NRXN1: variants seen among roughly 807,000 people sequenced by gnomAD.
The protein encoded by NRXN1 is neurexin-1.
A neutral mutation model predicts 150.9 loss-of-function variants in NRXN1; 39 were observed. The ratio of observed to expected loss-of-function variants is 0.26; its 90% CI spans 0.20 to 0.34. The LOEUF is 0.34. Ranked by LOEUF, NRXN1 falls within the 10% of genes least tolerant of loss-of-function variation. The probability of loss-of-function intolerance (pLI) is 1.00; values close to 1 mark genes in which losing one functional copy is unlikely to be tolerated. For missense variants in NRXN1, 1,815 were observed against 1,949.9 expected (o/e 0.93, Z 1.30); for synonymous variants, 924 against 757.0 (o/e 1.22, Z -3.62).
chr2:50,723,831 G>A (rs1032810955), intron 5 of NRXN1, among the ~76,000 whole-genome samples: 13 of 152,154 alleles, frequency 8.5e-5, no homozygotes, highest in Non-Finnish European at 1.9e-4. Context: ...ACCAACCACT[G>A]TGTTTTCGGG....
intron 2 of NRXN1, 147 bp downstream of exon 2, chr2:51,027,353 TAG>T (rs1373241890): frequency 2.6e-5 from 20 of 768,116 alleles, no homozygotes; most frequent in South Asian, 8.6e-5. Flanking sequence ...GGTGGTAAGG[TAG>T]AGAGTCCCCC....
rs1336370001 is a variant in NRXN1, at chr2:50,518,161, T to G, written c.2374+10464A>C. 2.6e-5 allele frequency among the ~76,000 whole-genome samples: 4 copies of G among 152,086 alleles called. No individual in the cohort carries two copies. In the South Asian group the frequency reaches 6.2e-4, roughly 24 times the overall value. On this transcript the variant is annotated intron_variant, in intron 12 of 22. Transcript: ENST00000401669. ...TTTACTTTTTAAGAAGAGAATTACA[T>G]TTACAACACAGTAAAAATGAACACA...
intron 5 of NRXN1, among the ~76,000 whole-genome samples, chr2:50,857,559 G>A (rs573988749): frequency 9.9e-5 from 15 of 152,068 alleles, no homozygotes; most frequent in Middle Eastern, 3.4e-3. Flanking sequence ...CTAGGTTTTC[G>A]AAGTATATAC....
At chr2:50,709,303 G>T (rs1694840000) in intron 5 of NRXN1, among the ~76,000 whole-genome samples, 1 of 151,978 alleles carries the variant, frequency 6.6e-6, no homozygotes. Flanking sequence ...ATCTTTATGG[G>T]GTTTACATTC....
chr2:50,248,360 G>T (rs1030285548), intron 17 of NRXN1, among the ~76,000 whole-genome samples: 2 of 152,076 alleles, frequency 1.3e-5, no homozygotes, highest in Non-Finnish European at 2.9e-5. Context: ...ATGCAAGAGA[G>T]GTAGCTTGAG....
intron 5 of NRXN1, among the ~76,000 whole-genome samples, chr2:50,874,474 C>G (rs546307369): frequency 6.6e-6 from 1 of 151,712 alleles, no homozygotes; most frequent in Non-Finnish European, 1.5e-5. Context: ...GGGGAGACTT[C>G]AGGATTCTTT....
intron 17 of NRXN1, among the ~76,000 whole-genome samples, chr2:50,363,610 T>G (rs1047729266): frequency 1.3e-5 from 2 of 152,106 alleles, no homozygotes; most frequent in African/African-American, 2.4e-5. Flanking sequence ...GGAGAGGATG[T>G]GGAGAAAAAG....
chr2:50,808,149 G>C (rs1017151106), intron 5 of NRXN1, among the ~76,000 whole-genome samples: 1 of 152,050 alleles, frequency 6.6e-6, no homozygotes, highest in Non-Finnish European at 1.5e-5. Context: ...GTCAGTTAGT[G>C]AAAGTAAGAA....
At chr2:50,418,688 G>C (rs2083741120) in intron 17 of NRXN1, among the ~76,000 whole-genome samples, 2 of 151,918 alleles carry the variant, frequency 1.3e-5, no homozygotes, top group South Asian at 4.1e-4. Context: ...TTCATCCAGG[G>C]ATCAAGGGAA....
chr2:50,775,308 C>G (rs1484595667), intron 5 of NRXN1, among the ~76,000 whole-genome samples: 1 of 152,096 alleles, frequency 6.6e-6, no homozygotes, highest in Non-Finnish European at 1.5e-5. Flanking sequence ...CAGTCAAAAT[C>G]TCAGCAACAC....
intron 19 of NRXN1, among the ~76,000 whole-genome samples, chr2:50,074,429 C>G (rs1170066617): frequency 6.6e-6 from 1 of 152,036 alleles, no homozygotes; most frequent in Admixed American, 6.5e-5. Context: ...ATTCAAATAT[C>G]ATGAATAAAC....
chr2:50,303,011 A>T (rs999180244), intron 17 of NRXN1, among the ~76,000 whole-genome samples: 1 of 152,196 alleles, frequency 6.6e-6, no homozygotes, highest in Non-Finnish European at 1.5e-5. Context: ...GTCAAAAAAA[A>T]GTTTTTGAAC....
chr2:50,725,710 A>C (rs1240797381), intron 5 of NRXN1, among the ~76,000 whole-genome samples: 2 of 152,192 alleles, frequency 1.3e-5, no homozygotes, highest in African/African-American at 4.8e-5. Context: ...CAAAAATAAA[A>C]GCCCACATTA....
chr2:50,171,328 G>A (rs1474619414), intron 18 of NRXN1, among the ~76,000 whole-genome samples: 1 of 151,858 alleles, frequency 6.6e-6, no homozygotes, highest in African/African-American at 2.4e-5. Flanking sequence ...GAAAATTAAT[G>A]AATCTTACTA....
intron 5 of NRXN1, among the ~76,000 whole-genome samples, chr2:50,654,479 G>A (rs1351722376): frequency 1.3e-5 from 2 of 151,888 alleles, no homozygotes; most frequent in East Asian, 3.9e-4. Flanking sequence ...GAGTAGTGCT[G>A]CAATAAACAT....
intron 8 of NRXN1, among the ~76,000 whole-genome samples, chr2:50,568,604 C>A (rs1163983028): frequency 6.6e-6 from 1 of 152,118 alleles, no homozygotes; most frequent in African/African-American, 2.4e-5. Context: ...TCAACTCATT[C>A]CAGTTAAAAT....
chr2:50,329,969 G>C (rs2076729970), intron 17 of NRXN1, among the ~76,000 whole-genome samples: 1 of 151,604 alleles, frequency 6.6e-6, no homozygotes, highest in South Asian at 2.1e-4. Context: ...ACTGCACCCG[G>C]CCAGTGTTTA....
chr2:50,302,815 T>A lies in NRXN1; in HGVS notation c.3365-65845A>T, dbSNP rs560796589. 2.0e-5 allele frequency among the ~76,000 whole-genome samples: 3 copies of A among 152,308 alleles called. No homozygotes were observed. The South Asian group carries it at 6.2e-4, about 32-fold the overall frequency. On this transcript the variant is annotated intron_variant, in intron 17 of 22. Transcript: ENST00000401669. ...CCTACACTATATTTTTAATTGAATT[T>A]TAAAGGAAGGATGGAGAAATAACAG...
chr2:50,520,690 T>C lies in NRXN1; in HGVS notation c.2374+7935A>G, dbSNP rs1215465616. Among the ~76,000 whole-genome samples, 4 of 152,014 alleles carry C rather than the reference T, an allele frequency of 2.6e-5. No individual in the cohort carries two copies. The South Asian group carries it at 6.2e-4, about 24-fold the overall frequency. On this transcript the variant is annotated intron_variant, in intron 12 of 22. Transcript: ENST00000401669. Reference sequence around the variant, plus strand: ...AAAGAATTTCTTGATTACCAATATATTATTTTTAGCAGTATAAAATTTCTC... The same window carrying C: ...AAAGAATTTCTTGATTACCAATATACTATTTTTAGCAGTATAAAATTTCTC...
Sources: allele counts gnomAD v4.1 joint callset (sites outside exome capture counted in the v4.1 genomes callset), GRCh38; gene constraint gnomAD v4.1.1; transcripts MANE v1.5; gene names NCBI Gene and HGNC (gene_info 2026-07-23, HGNC 2026-07-21).